The following SH3PXD2B variants were observed in gnomAD, a reference collection of about 807,000 sequenced individuals.
SH3PXD2B encodes SH3 and PX domain-containing protein 2B.
SH3PXD2B carries 37 observed loss-of-function variants against 73.1 expected under a neutral mutation model. The ratio of observed to expected loss-of-function variants is 0.51; its 90% CI spans 0.39 to 0.67. The LOEUF is 0.67. Among genes scored for constraint, SH3PXD2B ranks in the 30% least tolerant of loss-of-function variants. The pLI is 0.00. For missense variants in SH3PXD2B, 1,053 were observed against 1,197.8 expected (o/e 0.88, Z 1.78); for synonymous variants, 457 against 480.5 (o/e 0.95, Z 0.64).
rs1330854201 is a variant in SH3PXD2B, at chr5:172,368,906, A to ATT, written c.427+4882_427+4883dup. On this transcript the variant is annotated intron_variant, in intron 6 of 12. Coordinates refer to ENST00000311601, the MANE Select transcript of SH3PXD2B (RefSeq NM_001017995.3). Reference sequence around the variant, plus strand: ...TATAAAAAAAAATATATATATATATATTTTTGAGACGGAGTTTTGCTCTTG... The same window carrying ATT: ...TATAAAAAAAAATATATATATATATATTTTTTTGAGACGGAGTTTTGCTCTTG... 4.6e-4 allele frequency among the ~76,000 whole-genome samples: 63 copies of ATT among 136,834 alleles called. 2 individuals are homozygous for ATT. Among genetic ancestry groups the ATT allele is most frequent in the Admixed American group, 2.1e-3 (27 of 12,582 alleles). 89.8% of individuals were successfully genotyped at this position (136,834 alleles called of 152,430 possible). A position where few individuals can be genotyped will look rare whatever the true frequency, so the allele number is the denominator to read the frequency against.
intron 1 of SH3PXD2B, among the ~76,000 whole-genome samples, chr5:172,442,067 TA>T (rs1375200829): frequency 6.6e-6 from 1 of 152,212 alleles, no homozygotes; most frequent in African/African-American, 2.4e-5. Flanking sequence ...CAATTTACCG[TA>T]ATCACTAACA....
chr5:172,411,798 GT>G (rs772338597), intron 2 of SH3PXD2B, among the ~76,000 whole-genome samples: 10,676 of 146,232 alleles, frequency 0.073, 592 homozygotes, highest in African/African-American at 0.16. Flanking sequence ...AGGCTGTGTG[GT>G]TTTTTTTTTT....
rs148122943 is a variant in SH3PXD2B, at chr5:172,406,366, G to A, written c.157-14C>T. The A allele has an allele frequency of 1.7e-4, 277 of 1,613,772 alleles. No individual in the cohort carries two copies. In the African/African-American group the frequency reaches 3.1e-3, roughly 18 times the overall value. On this transcript the variant is annotated splice_polypyrimidine_tract_variant and intron_variant, in intron 2 of 12. Transcript: ENST00000311601. Reference sequence around the variant, plus strand: ...CAACATCTGCATCTAAGTGGGGGGCGAATACCAAAAACAAAAACCTTTCAT... The same window carrying A: ...CAACATCTGCATCTAAGTGGGGGGCAAATACCAAAAACAAAAACCTTTCAT...
At chr5:172,368,199 C>A (rs1216506998) in intron 6 of SH3PXD2B, among the ~76,000 whole-genome samples, 2 of 151,836 alleles carry the variant, frequency 1.3e-5, no homozygotes, top group South Asian at 4.1e-4. Context: ...CCTTCAGGTT[C>A]CTGCTCAAGT....
Position 172,358,816 on chromosome 5 carries a change from G to C in SH3PXD2B, c.624C>G (p.Gly208=). 1 of 1,613,934 alleles carries C rather than the reference G, an allele frequency of 6.2e-7. No individual in the cohort carries two copies. Among genetic ancestry groups the C allele is most frequent in the Admixed American group, 1.7e-5 (1 of 59,992 alleles). Residue 208 remains glycine (G), a synonymous_variant, in exon 8 of 13, where the codon GGC becomes GGG. Transcript: ENST00000311601. ...AAAACTCATCCTGCACCCCATCCTG[G>C]CCTTCGAGGCACGTTGCAGGGACCC... is the stretch of plus-strand genomic sequence containing the variant. The part of the protein sequence containing the change: ...QGWVPATCLE[G]QDGVQDEFSL...
intron 6 of SH3PXD2B, among the ~76,000 whole-genome samples, chr5:172,368,106 C>T (rs1757567530): frequency 6.6e-6 from 1 of 152,100 alleles, no homozygotes; most frequent in African/African-American, 2.4e-5. Context: ...AAGCCTGTTT[C>T]TACTGCAGGG....
intron 1 of SH3PXD2B, among the ~76,000 whole-genome samples, chr5:172,438,432 G>A (rs918781290): frequency 8.5e-5 from 13 of 152,274 alleles, no homozygotes; most frequent in Middle Eastern, 3.4e-3. Context: ...TGGCGACAAT[G>A]AGCTCTCAGG....
Position 172,338,707 on chromosome 5 carries a change from C to G in SH3PXD2B, c.2398G>C (p.Val800Leu). 1 of 1,614,148 alleles carries G rather than the reference C, an allele frequency of 6.2e-7. No homozygotes were observed. The highest frequency in any genetic ancestry group is 8.5e-7 in the Non-Finnish European group (1 of 1,180,024). The stretch of plus-strand genomic sequence containing the variant: ...AGAAAAGGTTTGGCTTTTGGAGGGA[C>G]GAGGAGAGCACGGCCTGGGGTGGGA... Reference protein sequence around the residue: ...AAPTPGRALLVPPKAKPFLSN... With the variant: ...AAPTPGRALLLPPKAKPFLSN... Residue 800 changes from valine (V) to leucine (L), a missense_variant, in exon 13 of 13, where the codon GTC becomes CTC. Physicochemically the swap from Val to Leu is conservative, Grantham distance 32 (BLOSUM62 1). Around this residue, in one of 2 missense-constraint regions of SH3PXD2B, gnomAD observed 587 missense variants for 590.7 expected, o/e 0.99. Transcript: ENST00000311601. The surrounding 1 kb of genome is among the most constrained non-coding windows in gnomAD (Gnocchi z 5.1).
intron 5 of SH3PXD2B, among the ~76,000 whole-genome samples, chr5:172,375,675 G>A (rs965284424): frequency 1.3e-5 from 2 of 152,168 alleles, no homozygotes; most frequent in African/African-American, 4.8e-5. Context: ...GTTATGGTAT[G>A]TATCAGCACT....
intron 7 of SH3PXD2B, among the ~76,000 whole-genome samples, 163 bp from the exon 8 acceptor site, chr5:172,359,040 C>T (rs1384112606): frequency 1.3e-5 from 2 of 152,158 alleles, no homozygotes; most frequent in Non-Finnish European, 2.9e-5. Flanking sequence ...CTGCTAACTG[C>T]TAAAAGCAGG....
chr5:172,349,857 T>C lies in SH3PXD2B; in HGVS notation c.1012+506A>G, dbSNP rs796840901. The stretch of plus-strand genomic sequence containing the variant: ...GGGAAAGCAACGCCTCCCCTTTTTT[T>C]TTCTTTTTTTAAATGGAGTTTCACT... On this transcript the variant is annotated intron_variant, in intron 10 of 12. Coordinates refer to ENST00000311601, the MANE Select transcript of SH3PXD2B (RefSeq NM_001017995.3). Among the ~76,000 whole-genome samples the C allele has an allele frequency of 1.0e-3, 158 of 152,126 alleles. 1 individual carries two copies. Among genetic ancestry groups the C allele is most frequent in the African/African-American group, 3.6e-3 (149 of 41,480 alleles).
chr5:172,331,138 T>A (rs2113222239), downstream of SH3PXD2B, among the ~76,000 whole-genome samples: 1 of 152,304 alleles, frequency 6.6e-6, no homozygotes, highest in South Asian at 2.1e-4. Flanking sequence ...GAGGCTGCAG[T>A]GAGCCATGAC....
chr5:172,344,999 A>AG (rs1264669418), intron 12 of SH3PXD2B, among the ~76,000 whole-genome samples: 1 of 147,280 alleles, frequency 6.8e-6, no homozygotes, highest in African/African-American at 2.6e-5. Flanking sequence ...GGAAGGAGGG[A>AG]GGAAAGAGAG....
At chr5:172,350,629 A>T in intron 9 of SH3PXD2B, 40 bp from the exon 10 acceptor site, 1 of 1,550,474 alleles carries the variant, frequency 6.4e-7, no homozygotes. Flanking sequence ...CTGCTCCGCC[A>T]GGCCCAAGGG....
rs1026253060 is a variant in SH3PXD2B at position 172,445,428 on chromosome 5, T to C, written c.75+8850A>G. Among the ~76,000 whole-genome samples the C allele has an allele frequency of 1.3e-5, 2 of 152,182 alleles. No homozygotes were observed. The highest frequency in any genetic ancestry group is 2.4e-5 in the African/African-American group (1 of 41,438). ...TCTCACTATGTTCCCCAGGCTGGTA[T>C]TGAACTCCTGGGCTCAAGCGATCTT... On this transcript the variant is annotated intron_variant, in intron 1 of 12. Transcript: ENST00000311601. This position sits in a 1 kb window ranked among gnomAD's most constrained non-coding sequence, Gnocchi z 5.2.
In SH3PXD2B at chr5:172,339,305, G is replaced by A; in HGVS notation, c.1800C>T (p.His600=). ...TCTTCACTTCCTTGGCCAAGACCTTGTGGCCACACTCCAGCCCCATGTCAT... is the reference window on the plus strand; with the variant it reads ...TCTTCACTTCCTTGGCCAAGACCTTATGGCCACACTCCAGCCCCATGTCAT... The part of the protein sequence containing the change: ...LKNDMGLECG[H]KVLAKEVKKP... Residue 600 remains histidine, a synonymous_variant, in exon 13 of 13, where the codon CAC becomes CAT. Transcript: ENST00000311601. The surrounding 1 kb of genome is among the most constrained non-coding windows in gnomAD (Gnocchi z 6.1). The A allele has an allele frequency of 6.2e-7, 1 of 1,614,222 alleles. No individual in the cohort carries two copies. The highest frequency in any genetic ancestry group is 8.5e-7 in the Non-Finnish European group (1 of 1,180,042).
chr5:172,407,115 C>T (rs371166224), intron 2 of SH3PXD2B, among the ~76,000 whole-genome samples: 83 of 152,320 alleles, frequency 5.4e-4, no homozygotes, highest in African/African-American at 1.8e-3. Context: ...GTGACAAAAC[C>T]TTTTAGGACC....
intron 3 of SH3PXD2B, among the ~76,000 whole-genome samples, chr5:172,400,325 G>C (rs10061680): frequency 0.013 from 1,965 of 152,218 alleles, 36 homozygotes; most frequent in African/African-American, 0.044. Flanking sequence ...TAATAGACTG[G>C]GCACCAAAGG....
At chr5:172,391,767 G>C (rs951978579) in intron 4 of SH3PXD2B, among the ~76,000 whole-genome samples, 5 of 152,172 alleles carry the variant, frequency 3.3e-5, no homozygotes, top group Admixed American at 6.5e-5. Flanking sequence ...CACTGGCCTG[G>C]CCATTTTGTT....
Sources: gnomAD v4.1 joint callset for allele counts (sites outside exome capture counted in the v4.1 genomes callset) on GRCh38, gnomAD v4.1.1 for gene constraint, gnomAD v4.1.1 regional missense constraint, Gnocchi (gnomAD v3.1) non-coding constraint, MANE v1.5 for transcripts, NCBI Gene and HGNC (gene_info 2026-07-23, HGNC 2026-07-21) for gene names.